The following AFAP1L1 variants were observed in gnomAD, a reference collection of about 807,000 sequenced individuals.
AFAP1L1 encodes actin filament associated protein 1 like 1, also known as actin filament-associated protein 1-like 1.
AFAP1L1 carries 77 observed loss-of-function variants against 99.8 expected under a neutral mutation model. The ratio of observed to expected loss-of-function variants is 0.77; its 90% CI spans 0.64 to 0.93. The LOEUF (loss-of-function observed/expected upper bound fraction) is 0.93. AFAP1L1 is among the 40% of genes least tolerant of loss of function. The probability of loss-of-function intolerance (pLI) is 0.00; values close to 1 mark genes in which losing one functional copy is unlikely to be tolerated. For synonymous variants in AFAP1L1, 373 were observed against 395.3 expected, an observed-to-expected ratio of 0.94 and a Z score of 0.67; for missense variants, 893 against 996.8, an observed-to-expected ratio of 0.90 and a Z score of 1.40.
At chr5:149,324,207 A>G (rs115105702) in intron 15 of AFAP1L1, among the ~76,000 whole-genome samples, 354 of 152,354 alleles carry the variant, frequency 2.3e-3, no homozygotes, top group African/African-American at 8.1e-3. Context: ...ACAAAATCCC[A>G]TAAGCTGGGG....
intron 11 of AFAP1L1, among the ~76,000 whole-genome samples, chr5:149,316,773 C>T (rs1756810472): frequency 1.3e-5 from 2 of 152,166 alleles, no homozygotes; most frequent in African/African-American, 4.8e-5. Context: ...TTATTTTGCT[C>T]ATGTAAATGT....
At position 149,307,526 on chromosome 5, in the gene AFAP1L1, A is replaced by G. The variant is rs879649097; in HGVS notation, c.660A>G (p.Glu220=). 1 of 1,614,108 alleles carries G rather than the reference A, an allele frequency of 6.2e-7. No homozygotes were observed. Among genetic ancestry groups the G allele is most frequent in the Non-Finnish European group, 8.5e-7 (1 of 1,180,012 alleles). Residue 220 remains glutamate, a synonymous_variant, in exon 7 of 19, where the codon GAA becomes GAG. Transcript: ENST00000296721. ...SEEASMHLVR[E]CRICAFLLRK... ...AGGCCTCCATGCACCTGGTGAGGGA[A>G]TGCAGGATATGTGCCTTCCTGCTGC... is the stretch of plus-strand genomic sequence containing the variant.
At chr5:149,302,767 G>T in intron 5 of AFAP1L1, 1 of 399,862 alleles carries the variant, frequency 2.5e-6, no homozygotes. Context: ...GTGTGGCCTT[G>T]GAAAATCCCC....
chr5:149,295,400 T>C (rs1196015049), intron 1 of AFAP1L1, among the ~76,000 whole-genome samples: 2 of 152,198 alleles, frequency 1.3e-5, no homozygotes, highest in Non-Finnish European at 2.9e-5. Flanking sequence ...CTGTTCTTAC[T>C]TTAGAAACGA....
chr5:149,294,242 GA>G (rs1755952330), intron 1 of AFAP1L1, among the ~76,000 whole-genome samples: 1 of 152,164 alleles, frequency 6.6e-6, no homozygotes, highest in South Asian at 2.1e-4. Context: ...AGACTTTCTG[GA>G]TAGGAGGTCT....
intron 5 of AFAP1L1, among the ~76,000 whole-genome samples, chr5:149,304,547 CA>C (rs1306474289): frequency 6.6e-6 from 1 of 152,198 alleles, no homozygotes; most frequent in East Asian, 1.9e-4. Context: ...CTCCCAGAAG[CA>C]GCTGGAATCC....
chr5:149,334,844 C>A (rs185232022), intron 17 of AFAP1L1, among the ~76,000 whole-genome samples: 1 of 151,876 alleles, frequency 6.6e-6, no homozygotes, highest in Non-Finnish European at 1.5e-5. Flanking sequence ...GGAAGGTGGA[C>A]CTCCAGCCTT....
At chr5:149,309,628 T>C (rs989283054) in intron 7 of AFAP1L1, among the ~76,000 whole-genome samples, 6 of 152,228 alleles carry the variant, frequency 3.9e-5, no homozygotes, top group African/African-American at 1.4e-4. Flanking sequence ...TCCTGCCAGA[T>C]AGATTTTTAA....
At chr5:149,290,099 A>G (rs1659098) in intron 1 of AFAP1L1, among the ~76,000 whole-genome samples, 123,302 of 152,022 alleles carry the variant, frequency 0.81, 50,975 homozygotes, top group Non-Finnish European at 0.89. Context: ...CGGGCGTGGT[A>G]GCGCACGCCT....
rs1336702206 is a variant in AFAP1L1, at chr5:149,312,804, A to AAG, written c.1020+612_1020+613dup. ...ACCCTGTCTCAGAAAAAAGAAAGAA[A>AAG]AGAGAGAGAGAGAAAGAAAGAAAGA... On this transcript the variant is annotated intron_variant, in intron 9 of 18. Coordinates refer to ENST00000296721, the MANE Select transcript of AFAP1L1 (RefSeq NM_152406.4). Among the ~76,000 whole-genome samples the AAG allele has an allele frequency of 4.0e-5, 6 of 150,876 alleles. 1 individual carries two copies. Among genetic ancestry groups the AAG allele is most frequent in the African/African-American group, 1.5e-4 (6 of 40,986 alleles).
At chr5:149,330,315 T>A (rs6866589) in intron 16 of AFAP1L1, among the ~76,000 whole-genome samples, 27,394 of 152,196 alleles carry the variant, frequency 0.18, 2,903 homozygotes, top group Middle Eastern at 0.39. Flanking sequence ...CTCCACACCC[T>A]ATTTTCTGCT....
chr5:149,296,104 A>T (rs113037865), intron 1 of AFAP1L1, among the ~76,000 whole-genome samples: 516 of 152,158 alleles, frequency 3.4e-3, no homozygotes, highest in African/African-American at 0.012. Flanking sequence ...CACAGTCACG[A>T]CTCACTGCAA....
chr5:149,313,974 T>A (rs1756717583), intron 9 of AFAP1L1, among the ~76,000 whole-genome samples: 1 of 152,182 alleles, frequency 6.6e-6, no homozygotes. Context: ...CCCACCAGCC[T>A]ATTAGAGTAT....
chr5:149,277,367 C>T (rs976630248), intron 1 of AFAP1L1, among the ~76,000 whole-genome samples: 1 of 152,188 alleles, frequency 6.6e-6, no homozygotes, highest in Admixed American at 6.5e-5. Context: ...CTGCCTGTGT[C>T]TTGCCTCCGT....
intron 1 of AFAP1L1, among the ~76,000 whole-genome samples, chr5:149,290,642 T>C (rs1250591503): frequency 6.6e-6 from 1 of 152,192 alleles, no homozygotes; most frequent in Non-Finnish European, 1.5e-5. Flanking sequence ...TTGAACAAAA[T>C]AGAGCATTTG....
intron 1 of AFAP1L1, among the ~76,000 whole-genome samples, chr5:149,279,784 T>TG (rs140113805): frequency 0.036 from 5,448 of 152,310 alleles, 128 homozygotes; most frequent in Non-Finnish European, 0.05. Context: ...CTTGCAGCTT[T>TG]GAATATTTTG....
intron 15 of AFAP1L1, among the ~76,000 whole-genome samples, chr5:149,326,218 CAGAG>C (rs1248939254): frequency 2.0e-5 from 3 of 152,124 alleles, no homozygotes; most frequent in Non-Finnish European, 4.4e-5. Flanking sequence ...GCTAGTTTAT[CAGAG>C]AGAACCACAG....
rs1273962377 is a variant in AFAP1L1, at chr5:149,322,682, T to C, written c.1775T>C (p.Val592Ala). Residue 592 changes from valine to alanine, a missense_variant, in exon 15 of 19, where the codon GTG becomes GCG. Val to Ala is a moderately conservative substitution (Grantham distance 64). Coordinates refer to ENST00000296721, the MANE Select transcript of AFAP1L1 (RefSeq NM_152406.4). Reference protein sequence around the residue: ...ASSCSEKSHRVDPQVKVKRHA... With the variant: ...ASSCSEKSHRADPQVKVKRHA... ...TCCTGCAGTGAGAAGTCCCATCGTG[T>C]GGACCCGCAGGTCAAAGTCAAACGC... 1.3e-6 allele frequency: 2 copies of C among 1,593,320 alleles called. No individual in the cohort carries two copies. The highest frequency in any genetic ancestry group is 1.3e-5 in the African/African-American group (1 of 74,626).
intron 1 of AFAP1L1, among the ~76,000 whole-genome samples, chr5:149,278,321 C>T (rs1212834585): frequency 6.6e-6 from 1 of 152,196 alleles, no homozygotes; most frequent in Non-Finnish European, 1.5e-5. Flanking sequence ...CTTCCAATCA[C>T]ACCCTCCACT....
Sources: allele counts gnomAD v4.1 joint callset (sites outside exome capture counted in the v4.1 genomes callset), GRCh38; gene constraint gnomAD v4.1.1; transcripts MANE v1.5; gene names NCBI Gene and HGNC (gene_info 2026-07-23, HGNC 2026-07-21).